Variants in CDS1 observed in about 807,000 individuals in gnomAD.
The protein encoded by CDS1 is phosphatidate cytidylyltransferase 1.
CDS1 carries 41 observed loss-of-function variants against 62.1 expected under a neutral mutation model. That is an observed-to-expected ratio of 0.66 (90% CI 0.51 to 0.86). The LOEUF is 0.86. Ranked by LOEUF, CDS1 falls within the 40% of genes least tolerant of loss-of-function variation. The probability of loss-of-function intolerance (pLI) is 0.00; values close to 1 mark genes in which losing one functional copy is unlikely to be tolerated. For synonymous variants in CDS1, 185 were observed against 192.6 expected (o/e 0.96, Z 0.32); for missense variants, 470 against 550.1 (o/e 0.85, Z 1.46).
chr4:84,642,452 A>G lies in CDS1; in HGVS notation c.1033-572A>G, dbSNP rs182995844. On this transcript the variant is annotated intron_variant, in intron 10 of 12. Coordinates refer to ENST00000295887, the MANE Select transcript of CDS1 (RefSeq NM_001263.4). ...GGAGCAAGAACTACAAATTTGCAAAATAATTTGACTACAAAATTCTTCTCA... is the reference window on the plus strand; with the variant it reads ...GGAGCAAGAACTACAAATTTGCAAAGTAATTTGACTACAAAATTCTTCTCA... Among the ~76,000 whole-genome samples the G allele has an allele frequency of 7.2e-5, 11 of 152,310 alleles. No individual in the cohort carries two copies. The East Asian group carries it at 2.1e-3, about 29-fold the overall frequency.
intron 11 of CDS1, among the ~76,000 whole-genome samples, chr4:84,644,616 C>A (rs1724498971): frequency 6.6e-6 from 1 of 151,984 alleles, no homozygotes; most frequent in Admixed American, 6.6e-5. Flanking sequence ...TCCTGGGCAC[C>A]CAGACATGTG....
intron 2 of CDS1, among the ~76,000 whole-genome samples, chr4:84,606,848 T>G (rs1723109279): frequency 6.6e-6 from 1 of 152,132 alleles, no homozygotes; most frequent in African/African-American, 2.4e-5. Context: ...GCCTGGCTAA[T>G]TTTTGTATTT....
intron 1 of CDS1, among the ~76,000 whole-genome samples, chr4:84,597,490 A>G (rs552173815): frequency 2.2e-4 from 33 of 152,114 alleles, no homozygotes; most frequent in African/African-American, 7.5e-4. Flanking sequence ...ATAACAAAAA[A>G]TTAGCCAGGT....
At chr4:84,624,341 A>T (rs531293067) in intron 5 of CDS1, among the ~76,000 whole-genome samples, 5 of 151,656 alleles carry the variant, frequency 3.3e-5, no homozygotes, top group African/African-American at 1.2e-4. Flanking sequence ...TATGCCCATG[A>T]TAAAAATTTA....
rs569952941 is a variant in CDS1, at chr4:84,618,398, G to A, written c.440+737G>A. On this transcript the variant is annotated intron_variant, in intron 4 of 12. Transcript: ENST00000295887. ...AAATGTTAGATAGATAAAGTAATTGGAGAATAATTAAATGTAAAACCATGC... is the reference window on the plus strand; with the variant it reads ...AAATGTTAGATAGATAAAGTAATTGAAGAATAATTAAATGTAAAACCATGC... Among the ~76,000 whole-genome samples the A allele has an allele frequency of 5.3e-5, 8 of 152,254 alleles. No individual in the cohort carries two copies. The South Asian group carries it at 1.5e-3, about 28-fold the overall frequency.
chr4:84,609,626 ACACT>A, intron 3 of CDS1, 101 bp downstream of exon 3: 1 of 696,720 alleles, frequency 1.4e-6, no homozygotes, highest in Non-Finnish European at 2.6e-6. Context: ...AGCTAATTCA[ACACT>A]CAGTCACAGA....
intron 1 of CDS1, among the ~76,000 whole-genome samples, chr4:84,601,343 A>G (rs981221194): frequency 6.6e-6 from 1 of 152,096 alleles, no homozygotes; most frequent in Non-Finnish European, 1.5e-5. Context: ...ATCTTCTCCA[A>G]AGAAGGAATT....
intron 11 of CDS1, among the ~76,000 whole-genome samples, chr4:84,644,406 CA>C (rs1724490767): frequency 6.6e-6 from 1 of 152,030 alleles, no homozygotes; most frequent in African/African-American, 2.4e-5. Context: ...AAAAATTAAC[CA>C]AAGACTTTTT....
chr4:84,592,318 C>T (rs552010297), intron 1 of CDS1, among the ~76,000 whole-genome samples: 2 of 151,910 alleles, frequency 1.3e-5, no homozygotes, highest in South Asian at 2.1e-4. Flanking sequence ...ATTACAGGCA[C>T]GCAGCACAAA....
intron 5 of CDS1, among the ~76,000 whole-genome samples, chr4:84,626,363 A>G (rs1723862115): frequency 6.6e-6 from 1 of 152,246 alleles, no homozygotes; most frequent in Non-Finnish European, 1.5e-5. Context: ...ATCTTTTTAC[A>G]CTTTGCTCAG....
At chr4:84,586,173 C>G (rs1722412344) in intron 1 of CDS1, among the ~76,000 whole-genome samples, 1 of 152,034 alleles carries the variant, frequency 6.6e-6, no homozygotes, top group Non-Finnish European at 1.5e-5. Context: ...GCAGTGGTCC[C>G]CAAATTTTTT....
intron 10 of CDS1, among the ~76,000 whole-genome samples, chr4:84,642,624 T>C (rs1724420463): frequency 6.6e-6 from 1 of 152,170 alleles, no homozygotes. Flanking sequence ...TATTTTATCA[T>C]ATAAAATTAA....
At chr4:84,597,497 A>C (rs1406770866) in intron 1 of CDS1, among the ~76,000 whole-genome samples, 2 of 151,990 alleles carry the variant, frequency 1.3e-5, no homozygotes, top group African/African-American at 4.8e-5. Context: ...AAAATTAGCC[A>C]GGTGTGGTGG....
chr4:84,619,063 A>ACACACACACG (rs1723589124), intron 4 of CDS1, among the ~76,000 whole-genome samples: 1 of 150,880 alleles, frequency 6.6e-6, no homozygotes, highest in Admixed American at 6.6e-5. Context: ...ACACACACAC[A>ACACACACACG]CACACACACA....
chr4:84,611,633 C>T (rs1264275619), intron 3 of CDS1, among the ~76,000 whole-genome samples: 1 of 152,176 alleles, frequency 6.6e-6, no homozygotes, highest in Admixed American at 6.5e-5. Flanking sequence ...TTTGTCCTCT[C>T]ATTAATTTTT....
At chr4:84,601,955 A>G (rs190617198) in intron 1 of CDS1, among the ~76,000 whole-genome samples, 22 of 146,344 alleles carry the variant, frequency 1.5e-4, no homozygotes, top group Admixed American at 6.2e-4. Flanking sequence ...ACATACATAC[A>G]TACGTACGTA....
At chr4:84,647,984 T>A (rs1184297616) in intron 12 of CDS1, among the ~76,000 whole-genome samples, 2 of 152,154 alleles carry the variant, frequency 1.3e-5, no homozygotes, top group East Asian at 3.9e-4. Flanking sequence ...ATATTGGAGT[T>A]CACCTAGGAC....
At chr4:84,601,681 G>T (rs1722940942) in intron 1 of CDS1, among the ~76,000 whole-genome samples, 1 of 152,128 alleles carries the variant, frequency 6.6e-6, no homozygotes, top group South Asian at 2.1e-4. Context: ...GGGAGGTCAG[G>T]GCGGGCGGAT....
intron 9 of CDS1, among the ~76,000 whole-genome samples, chr4:84,640,246 C>G (rs184012464): frequency 1.5e-3 from 229 of 150,618 alleles, no homozygotes; most frequent in African/African-American, 5.3e-3. Flanking sequence ...TCTTGAATTT[C>G]TATTACTCAT....
Sources: gnomAD v4.1 joint callset for allele counts (sites outside exome capture counted in the v4.1 genomes callset) on GRCh38, gnomAD v4.1.1 for gene constraint, MANE v1.5 for transcripts, NCBI Gene and HGNC (gene_info 2026-07-23, HGNC 2026-07-21) for gene names.